Variants in NKAIN3 observed in about 807,000 individuals in gnomAD.
The protein encoded by NKAIN3 is sodium/potassium-transporting ATPase subunit beta-1-interacting protein 3.
NKAIN3 carries 25 observed loss-of-function variants against 30.2 expected under a neutral mutation model. The observed-to-expected ratio is 0.83, with a 90% CI of 0.60 to 1.16. NKAIN3 has a LOEUF of 1.16. Ranked by LOEUF, NKAIN3 falls within the 50% of genes most tolerant of loss-of-function variation. The pLI is 0.00. For synonymous variants in NKAIN3, 91 were observed against 89.6 expected (o/e 1.02, Z -0.09); for missense variants, 225 against 254.1 (o/e 0.89, Z 0.78).
chr8:62,753,710 C>T (rs769287151), intron 4 of NKAIN3, among the ~76,000 whole-genome samples: 2 of 152,082 alleles, frequency 1.3e-5, no homozygotes, highest in Non-Finnish European at 2.9e-5. Flanking sequence ...CAGTCTTTGT[C>T]TCAAAGACTA....
intron 5 of NKAIN3, among the ~76,000 whole-genome samples, chr8:62,993,085 G>A (rs368440537): frequency 5.3e-5 from 8 of 152,244 alleles, no homozygotes; most frequent in Admixed American, 1.3e-4. Flanking sequence ...AGAAAAAAGA[G>A]TGAAAATAGG....
chr8:62,486,209 G>T (rs1338999010), intron 1 of NKAIN3, among the ~76,000 whole-genome samples: 1 of 152,164 alleles, frequency 6.6e-6, no homozygotes, highest in African/African-American at 2.4e-5. Context: ...AAAGTCTGAT[G>T]AGTGGAGAAT....
At chr8:62,632,242 C>A (rs1036668135) in intron 3 of NKAIN3, among the ~76,000 whole-genome samples, 31 of 152,094 alleles carry the variant, frequency 2.0e-4, no homozygotes, top group Admixed American at 1.6e-3. Flanking sequence ...TCTAACATAA[C>A]ATTTATATAT....
chr8:62,529,953 A>T (rs1396150646), intron 1 of NKAIN3, among the ~76,000 whole-genome samples: 1 of 152,178 alleles, frequency 6.6e-6, no homozygotes, highest in Non-Finnish European at 1.5e-5. Flanking sequence ...GGCACCATCC[A>T]GTTGAGATTT....
At chr8:62,452,725 T>C (rs1805686704) in intron 1 of NKAIN3, among the ~76,000 whole-genome samples, 1 of 152,226 alleles carries the variant, frequency 6.6e-6, no homozygotes, top group Non-Finnish European at 1.5e-5. Context: ...TCTTGATTTC[T>C]TAATTCCTTA....
Position 62,976,624 on chromosome 8 carries a change from G to A in NKAIN3, c.*11217G>A, listed in dbSNP as rs112102296. Among the ~76,000 whole-genome samples the A allele has an allele frequency of 1.6e-3, 248 of 152,276 alleles. No individual in the cohort carries two copies. Among genetic ancestry groups the A allele is most frequent in the African/African-American group, 5.7e-3 (238 of 41,552 alleles). ...CGAATACAACACACCAATGGGTTTT[G>A]ACTCTTTATCCAATTTGCCAGTCTG... On this transcript the variant is annotated 3_prime_UTR_variant, in exon 7 of 7. Transcript: ENST00000623646.
At chr8:62,610,866 C>G (rs575351061) in intron 3 of NKAIN3, among the ~76,000 whole-genome samples, 1 of 152,060 alleles carries the variant, frequency 6.6e-6, no homozygotes, top group African/African-American at 2.4e-5. Context: ...ATGAGCCCTA[C>G]TACGTTTTTT....
chr8:62,861,017 C>CAACT (rs1820221968), intron 4 of NKAIN3, among the ~76,000 whole-genome samples: 1 of 152,186 alleles, frequency 6.6e-6, no homozygotes, highest in East Asian at 1.9e-4. Context: ...ACATGCTTGA[C>CAACT]AACTAATCTA....
In NKAIN3 at chr8:62,803,390, A is replaced by G. The variant is rs1818144346; in HGVS notation, c.471+56261A>G. Among the ~76,000 whole-genome samples, 5 of 152,232 alleles carry G rather than the reference A, an allele frequency of 3.3e-5. No homozygotes were observed. The South Asian group carries it at 6.2e-4, about 19-fold the overall frequency. On this transcript the variant is annotated intron_variant, in intron 4 of 6. Transcript: ENST00000623646. ...TAAAGCTCTCCTCAGCAAATGTAAA[A>G]AAACAGATATTATAACAAACTGTCT...
At chr8:62,661,551 A>G (rs998918657) in intron 3 of NKAIN3, among the ~76,000 whole-genome samples, 3 of 152,156 alleles carry the variant, frequency 2.0e-5, no homozygotes, top group Admixed American at 1.3e-4. Flanking sequence ...GATCATCTCT[A>G]CTGGGTAAGT....
intron 3 of NKAIN3, among the ~76,000 whole-genome samples, chr8:62,667,361 GTATATATATATATAAATA>G (rs1195169980): frequency 5.1e-5 from 7 of 137,060 alleles, no homozygotes; most frequent in Non-Finnish European, 6.1e-5. Context: ...ATATATATCT[GTATATATATATATAAATA>G]TATATATATA....
intron 1 of NKAIN3, among the ~76,000 whole-genome samples, chr8:62,321,612 TG>T (rs1327744197): frequency 6.6e-6 from 1 of 152,240 alleles, no homozygotes; most frequent in Non-Finnish European, 1.5e-5. Context: ...CCTGTTTGCC[TG>T]GGTATCAGCA....
chr8:62,476,489 G>A (rs902704581), intron 1 of NKAIN3, among the ~76,000 whole-genome samples: 5 of 151,204 alleles, frequency 3.3e-5, no homozygotes, highest in South Asian at 2.1e-4. Context: ...ATGGAGTCTC[G>A]CTCTTTCACC....
intron 3 of NKAIN3, among the ~76,000 whole-genome samples, chr8:62,621,220 C>A (rs1230688114): frequency 1.3e-5 from 2 of 152,040 alleles, no homozygotes; most frequent in Admixed American, 6.6e-5. Flanking sequence ...TATTTAATAT[C>A]AAATCCAGGT....
intron 1 of NKAIN3, among the ~76,000 whole-genome samples, chr8:62,416,499 G>C (rs931000240): frequency 6.6e-6 from 1 of 152,106 alleles, no homozygotes; most frequent in South Asian, 2.1e-4. Flanking sequence ...AAGACCAATG[G>C]CTATTTGTTG....
At chr8:62,643,291 C>T (rs1367795055) in intron 3 of NKAIN3, among the ~76,000 whole-genome samples, 4 of 152,070 alleles carry the variant, frequency 2.6e-5, no homozygotes, top group Non-Finnish European at 5.9e-5. Flanking sequence ...AGTTAACACA[C>T]TAAAACATAA....
At chr8:62,477,265 T>G (rs565970309) in intron 1 of NKAIN3, among the ~76,000 whole-genome samples, 3 of 152,202 alleles carry the variant, frequency 2.0e-5, no homozygotes, top group South Asian at 4.1e-4. Context: ...AATGTACGCA[T>G]GCACACACAC....
intron 1 of NKAIN3, among the ~76,000 whole-genome samples, chr8:62,265,459 A>G (rs1004390821): frequency 6.6e-6 from 1 of 152,234 alleles, no homozygotes; most frequent in African/African-American, 2.4e-5. Flanking sequence ...GAGGCAAAGA[A>G]ATAAACTGAG....
chr8:62,706,180 C>A (rs1236269336), intron 3 of NKAIN3, among the ~76,000 whole-genome samples: 3 of 152,184 alleles, frequency 2.0e-5, no homozygotes, highest in African/African-American at 7.2e-5. Flanking sequence ...GAAGAAAGAG[C>A]TGGGGGTGTT....
Sources: allele counts gnomAD v4.1 joint callset (sites outside exome capture counted in the v4.1 genomes callset), GRCh38; gene constraint gnomAD v4.1.1; transcripts MANE v1.5; gene names NCBI Gene and HGNC (gene_info 2026-07-23, HGNC 2026-07-21).